The following NELL1 variants were observed in gnomAD, a reference collection of about 807,000 sequenced individuals.
NELL1 encodes the protein neural EGFL like 1.
Under a neutral mutation model 107.4 loss-of-function variants are expected in NELL1, and 76 were observed. That is an observed-to-expected ratio of 0.71 (90% confidence interval 0.59 to 0.86). The LOEUF is 0.86. NELL1 is among the 40% of genes least tolerant of loss of function. The pLI, the probability that NELL1 is intolerant of heterozygous loss-of-function variation, is 0.00. For missense variants in NELL1, 1,024 were observed against 1,005.5 expected, an observed-to-expected ratio of 1.02 and a Z score of -0.25; for synonymous variants, 353 against 341.2, an observed-to-expected ratio of 1.03 and a Z score of -0.38.
intron 12 of NELL1, among the ~76,000 whole-genome samples, chr11:21,063,000 G>A (rs1223223932): frequency 6.6e-6 from 1 of 151,780 alleles, no homozygotes; most frequent in South Asian, 2.1e-4. Context: ...GCTAATGTGT[G>A]TGTGTGTGTA....
At chr11:20,714,029 C>T (rs1056461404) in intron 2 of NELL1, among the ~76,000 whole-genome samples, 2 of 151,966 alleles carry the variant, frequency 1.3e-5, no homozygotes, top group Non-Finnish European at 2.9e-5. Context: ...CCAGAGTTTG[C>T]TTCGTGTGCC....
chr11:21,117,932 T>A (rs1855276202), intron 13 of NELL1, among the ~76,000 whole-genome samples: 1 of 151,954 alleles, frequency 6.6e-6, no homozygotes, highest in South Asian at 2.1e-4. Flanking sequence ...CTGTCCTACC[T>A]CATGCCTGGA....
intron 4 of NELL1, among the ~76,000 whole-genome samples, chr11:20,852,905 A>G (rs1848818020): frequency 6.6e-6 from 1 of 152,220 alleles, no homozygotes. Flanking sequence ...AAGGTAAGAG[A>G]TGTGGTAAGG....
intron 15 of NELL1, among the ~76,000 whole-genome samples, chr11:21,533,813 A>G (rs1056867368): frequency 4.6e-5 from 7 of 152,192 alleles, no homozygotes; most frequent in African/African-American, 1.7e-4. Context: ...TATTAAAGGT[A>G]TCCCAAGAAA....
At chr11:21,299,511 ATGTGTGTGTG>A (rs71063696) in intron 14 of NELL1, among the ~76,000 whole-genome samples, 5,741 of 136,430 alleles carry the variant, frequency 0.042, 147 homozygotes, top group Middle Eastern at 0.084. Context: ...ATTGTCTTAT[ATGTGTGTGTG>A]TGTGTGTGTG....
intron 15 of NELL1, among the ~76,000 whole-genome samples, chr11:21,500,615 G>A (rs1198643151): frequency 6.6e-6 from 1 of 152,076 alleles, no homozygotes; most frequent in Non-Finnish European, 1.5e-5. Flanking sequence ...AGCACCCAGA[G>A]CTTTATACGT....
intron 15 of NELL1, among the ~76,000 whole-genome samples, chr11:21,445,475 C>T (rs1413146504): frequency 1.3e-5 from 2 of 152,028 alleles, no homozygotes; most frequent in Admixed American, 1.3e-4. Flanking sequence ...TACAGGCATG[C>T]ACCACCATGC....
chr11:20,919,957 A>G (rs879790225), intron 7 of NELL1, among the ~76,000 whole-genome samples: 16 of 152,122 alleles, frequency 1.1e-4, no homozygotes, highest in Non-Finnish European at 1.6e-4. Context: ...TGTTAGGCAC[A>G]AAGAGGCAAT....
At chr11:21,517,452 T>C (rs1343664201) in intron 15 of NELL1, among the ~76,000 whole-genome samples, 2 of 152,282 alleles carry the variant, frequency 1.3e-5, no homozygotes, top group South Asian at 2.1e-4. Context: ...TAATAGCTGT[T>C]CCCCTTGGGC....
At chr11:20,972,493 T>C (rs1851521661) in intron 12 of NELL1, among the ~76,000 whole-genome samples, 1 of 151,946 alleles carries the variant, frequency 6.6e-6, no homozygotes. Flanking sequence ...TGGGGTGGTA[T>C]AGGAAATTCA....
intron 16 of NELL1, among the ~76,000 whole-genome samples, chr11:21,541,683 G>A (rs934698883): frequency 2.6e-5 from 4 of 152,040 alleles, no homozygotes; most frequent in East Asian, 1.9e-4. Context: ...GATTCAGTCC[G>A]AAATCGGCCT....
intron 13 of NELL1, among the ~76,000 whole-genome samples, chr11:21,202,249 C>T (rs888448006): frequency 6.6e-6 from 1 of 152,188 alleles, no homozygotes; most frequent in African/African-American, 2.4e-5. Context: ...GTGAATCCGT[C>T]TGGTCCTGGA....
intron 2 of NELL1, among the ~76,000 whole-genome samples, chr11:20,736,355 C>T (rs1855761019): frequency 6.6e-6 from 1 of 152,140 alleles, no homozygotes; most frequent in African/African-American, 2.4e-5. Context: ...CACAGGAAGC[C>T]CCTGGCCGAG....
intron 13 of NELL1, among the ~76,000 whole-genome samples, chr11:21,226,693 A>C (rs1857901556): frequency 6.6e-6 from 1 of 152,186 alleles, no homozygotes; most frequent in South Asian, 2.1e-4. Context: ...TTAATGACAA[A>C]ATTTGCAAAT....
intron 14 of NELL1, among the ~76,000 whole-genome samples, chr11:21,335,296 T>A (rs1395014531): frequency 6.6e-6 from 1 of 152,086 alleles, no homozygotes; most frequent in Non-Finnish European, 1.5e-5. Flanking sequence ...AGGACAAATA[T>A]CCTTATGCAA....
At chr11:21,468,389 G>T (rs4343021) in intron 15 of NELL1, among the ~76,000 whole-genome samples, 132,620 of 152,012 alleles carry the variant, frequency 0.87, 57,885 homozygotes, top group East Asian at 0.97. Flanking sequence ...TTGTGCGATT[G>T]TTTTCTGCCT....
chr11:21,336,643 A>ATGTG (rs67259972), intron 14 of NELL1, among the ~76,000 whole-genome samples: 103 of 130,810 alleles, frequency 7.9e-4, no homozygotes, highest in Middle Eastern at 8.0e-3. Context: ...ACTGCTTCAT[A>ATGTG]TGTGTGTGTA....
At chr11:21,527,425 A>T (rs556223520) in intron 15 of NELL1, among the ~76,000 whole-genome samples, 1 of 152,270 alleles carries the variant, frequency 6.6e-6, no homozygotes, top group African/African-American at 2.4e-5. Context: ...GTGTTACAAC[A>T]TCTGCCTGTT....
chr11:20,673,758 G>A (rs754578960), intron 1 of NELL1, among the ~76,000 whole-genome samples: 64 of 152,234 alleles, frequency 4.2e-4, no homozygotes, highest in Non-Finnish European at 7.2e-4. Context: ...TTGTAGAGCC[G>A]TTATGTCCAA....
Sources: allele counts gnomAD v4.1 joint callset (sites outside exome capture counted in the v4.1 genomes callset), GRCh38; gene constraint gnomAD v4.1.1; transcripts MANE v1.5; gene names NCBI Gene and HGNC (gene_info 2026-07-23, HGNC 2026-07-21).